Variants in ACKR2 observed in about 807,000 individuals in gnomAD.
The protein encoded by ACKR2 is atypical chemokine receptor 2.
For synonymous variants in ACKR2, 207 were observed against 192.2 expected (o/e 1.08, Z -0.64); for missense variants, 457 against 477.3 (o/e 0.96, Z 0.40).
Position 42,832,806 on chromosome 3 carries a change from ACCTTAGCCT to A in ACKR2, c.-38+13099_-38+13107del, listed in dbSNP as rs565395562. The stretch of plus-strand genomic sequence containing the variant: ...CTTCCTAGGCTCAAGCGATTCTCCC[ACCTTAGCCT>A]CCTGAGTAGCTGGGACTACAGGCAC... On this transcript the variant is annotated intron_variant, in intron 2 of 2. Coordinates refer to ENST00000422265, the MANE Select transcript of ACKR2 (RefSeq NM_001296.5). 1.8e-4 allele frequency among the ~76,000 whole-genome samples: 27 copies of A among 152,030 alleles called. No individual in the cohort carries two copies. In the South Asian group the frequency reaches 5.6e-3, roughly 32 times the overall value.
At chr3:42,863,799 AG>A in intron 2 of ACKR2, among the ~76,000 whole-genome samples, 1 of 152,184 alleles carries the variant, frequency 6.6e-6, no homozygotes, top group East Asian at 1.9e-4. Context: ...CATAAGTGGG[AG>A]TTGAACAATG....
intron 2 of ACKR2, among the ~76,000 whole-genome samples, chr3:42,861,535 A>G (rs1324668626): frequency 6.6e-6 from 1 of 152,226 alleles, no homozygotes; most frequent in Non-Finnish European, 1.5e-5. Context: ...TCATCCTGAT[A>G]CCAAAACCTG....
chr3:42,865,731 A>G lies in ACKR2; in HGVS notation c.*74A>G. ...GGTGTCCACTCAAAGTGCTCTCTCC[A>G]GGGGCCTCAGTGACTGTGTTGCTAA... On this transcript the variant is annotated 3_prime_UTR_variant, in exon 3 of 3. Coordinates refer to ENST00000422265, the MANE Select transcript of ACKR2 (RefSeq NM_001296.5). The G allele has an allele frequency of 8.2e-7, 1 of 1,215,526 alleles. No individual in the cohort carries two copies. Among genetic ancestry groups the G allele is most frequent in the South Asian group, 1.5e-5 (1 of 67,226 alleles). The allele number at this position is 1,215,526 out of a possible 1,614,324, so 75.3% of individuals were successfully genotyped here. A position where few individuals can be genotyped will look rare whatever the true frequency, so the allele number is the denominator to read the frequency against.
chr3:42,856,243 C>T (rs2088318566), intron 2 of ACKR2: 4 of 597,824 alleles, frequency 6.7e-6, no homozygotes, highest in South Asian at 4.1e-5. Context: ...AGGCTGAGCT[C>T]CTGGGGTGGG....
Position 42,864,456 on chromosome 3 carries a change from C to T in ACKR2, c.-37-10C>T, listed in dbSNP as rs772515695. 1.3e-6 allele frequency: 2 copies of T among 1,537,256 alleles called. No homozygotes were observed. The highest frequency in any genetic ancestry group is 1.7e-6 in the Non-Finnish European group (2 of 1,145,246). On this transcript the variant is annotated splice_polypyrimidine_tract_variant and intron_variant, in intron 2 of 2. Coordinates refer to ENST00000422265, the MANE Select transcript of ACKR2 (RefSeq NM_001296.5). ...AGAATGCTAGGTCTCACCATATTTT[C>T]CCCCCGCAGCACTACAGGACGTCGG...
At chr3:42,845,640 AC>A (rs1256813043) in intron 2 of ACKR2, among the ~76,000 whole-genome samples, 1 of 152,094 alleles carries the variant, frequency 6.6e-6, no homozygotes, top group Non-Finnish European at 1.5e-5. Flanking sequence ...ATTTTAAAAA[AC>A]GTAATAGTGC....
Position 42,864,894 on chromosome 3 carries a change from G to A in ACKR2, c.392G>A (p.Gly131Asp), listed in dbSNP as rs138081289. 34 of 1,613,994 alleles carry A rather than the reference G, an allele frequency of 2.1e-5. No individual in the cohort carries two copies. The African/African-American group carries it at 4.1e-4, about 20-fold the overall frequency. The change falls in exon 3 of 3, where the codon GGC (glycine) becomes GAC (aspartate). Residue 131 changes from glycine (G) to aspartate (D), a missense_variant. Gly to Asp is a moderately conservative substitution (Grantham distance 94). Coordinates refer to ENST00000422265, the MANE Select transcript of ACKR2 (RefSeq NM_001296.5). The stretch of plus-strand genomic sequence containing the variant: ...CTTTATACTATTAACTTTTACAGTG[G>A]CATCTTTTTCATTAGCTGCATGAGC... ...STLYTINFYSGIFFISCMSLD... is the reference protein window; with the variant it reads ...STLYTINFYSDIFFISCMSLD...
chr3:42,851,461 T>C, intron 2 of ACKR2: 3 of 984,742 alleles, frequency 3.0e-6, no homozygotes, highest in Non-Finnish European at 3.6e-6. Context: ...TCCGGTAGGT[T>C]ATAGCCATAC....
chr3:42,856,730 C>T (rs372167116), intron 2 of ACKR2, among the ~76,000 whole-genome samples: 16 of 151,692 alleles, frequency 1.1e-4, no homozygotes, highest in African/African-American at 2.9e-4. Flanking sequence ...GTTTGTGGCC[C>T]GTGACCATCA....
At chr3:42,840,030 G>A (rs1307081531) in intron 2 of ACKR2, among the ~76,000 whole-genome samples, 1 of 151,962 alleles carries the variant, frequency 6.6e-6, no homozygotes, top group African/African-American at 2.4e-5. Context: ...AAGCCGAGGC[G>A]GGTGGATCAC....
chr3:42,847,746 G>A (rs1188839085), intron 2 of ACKR2, among the ~76,000 whole-genome samples: 4 of 151,078 alleles, frequency 2.6e-5, no homozygotes, highest in African/African-American at 9.7e-5. Flanking sequence ...ATGCCTGATG[G>A]AGAGCAGGGG....
At position 42,819,723 on chromosome 3, in the gene ACKR2, A is replaced by C. The variant is rs1165101869; in HGVS notation, c.-38+12A>C. ...TCTGCAAAGTTGAGGTAAGCAGCTG[A>C]GTTCAATGATGCTGGCTGCATTTTC... On this transcript the variant is annotated intron_variant, in intron 2 of 2. Coordinates refer to ENST00000422265, the MANE Select transcript of ACKR2 (RefSeq NM_001296.5). 1 of 152,324 alleles carries C rather than the reference A, an allele frequency of 6.6e-6. No homozygotes were observed. Among genetic ancestry groups the C allele is most frequent in the Non-Finnish European group, 1.5e-5 (1 of 68,100 alleles). The allele number at this position is 152,324 out of a possible 1,614,324, so 9.4% of individuals were successfully genotyped here. A position where few individuals can be genotyped will look rare whatever the true frequency, so the allele number is the denominator to read the frequency against.
intron 2 of ACKR2, among the ~76,000 whole-genome samples, chr3:42,828,092 A>ATATATATTTTTTTTTTT (rs1193533555): frequency 3.8e-4 from 46 of 121,882 alleles, no homozygotes; most frequent in African/African-American, 1.4e-3. Flanking sequence ...ATATATATAT[A>ATATATATTTTTTTTTTT]TTTTTTTTTT....
intron 2 of ACKR2, among the ~76,000 whole-genome samples, chr3:42,825,940 T>A (rs1423984585): frequency 6.7e-6 from 1 of 149,542 alleles, no homozygotes; most frequent in African/African-American, 2.4e-5. Context: ...TTTTTTTCAA[T>A]CAGGAAAGGT....
chr3:42,856,387 A>T, intron 2 of ACKR2: 1 of 703,040 alleles, frequency 1.4e-6, no homozygotes, highest in South Asian at 1.5e-5. Flanking sequence ...GCAGCACTGA[A>T]TAGTTCCATC....
In ACKR2 at chr3:42,864,866, A is replaced by G. The variant is rs752969593; in HGVS notation, c.364A>G (p.Thr122Ala). ...GAGTTTCTTGTGCAAGATGGTGAGC[A>G]CTCTTTATACTATTAACTTTTACAG... ...FGSFLCKMVSTLYTINFYSGI... is the reference protein window; with the variant it reads ...FGSFLCKMVSALYTINFYSGI... Residue 122 changes from threonine (T) to alanine (A), a missense_variant, in exon 3 of 3, where the codon ACT becomes GCT. Coordinates refer to ENST00000422265, the MANE Select transcript of ACKR2 (RefSeq NM_001296.5). The G allele has an allele frequency of 2.5e-6, 4 of 1,613,766 alleles. No homozygotes were observed. The highest frequency in any genetic ancestry group is 2.2e-5 in the East Asian group (1 of 44,852).
chr3:42,843,034 CTATT>C (rs35357659), intron 2 of ACKR2, among the ~76,000 whole-genome samples: 15,180 of 139,234 alleles, frequency 0.11, 957 homozygotes, highest in African/African-American at 0.16. Context: ...TCATGTCTAG[CTATT>C]TATTTATTTA....
intron 1 of ACKR2, among the ~76,000 whole-genome samples, chr3:42,818,716 C>T (rs1362641968): frequency 6.6e-6 from 1 of 152,156 alleles, no homozygotes; most frequent in Non-Finnish European, 1.5e-5. Flanking sequence ...CAAGTGCCAC[C>T]ACACCCAGCT....
rs2088414164 is a variant in ACKR2, at chr3:42,864,536, A to G, written c.34A>G (p.Thr12Ala). The G allele has an allele frequency of 6.2e-7, 1 of 1,611,482 alleles. No homozygotes were observed. Among genetic ancestry groups the G allele is most frequent in the African/African-American group, 1.3e-5 (1 of 75,012 alleles). Residue 12 changes from threonine (T) to alanine (A), a missense_variant, in exon 3 of 3, where the codon ACT (threonine) becomes GCT (alanine). Physicochemically the swap from Thr to Ala is moderately conservative, Grantham distance 58. Coordinates refer to ENST00000422265, the MANE Select transcript of ACKR2 (RefSeq NM_001296.5). The part of the protein sequence containing the change: ...AATASPQPLA[T>A]EDADSENSSF... Reference sequence around the variant, plus strand: ...CACTGCCTCTCCGCAGCCACTCGCCACTGAGGATGCCGATTCTGAGAATAG... The same window carrying G: ...CACTGCCTCTCCGCAGCCACTCGCCGCTGAGGATGCCGATTCTGAGAATAG...
Sources: gnomAD v4.1 joint callset for allele counts (sites outside exome capture counted in the v4.1 genomes callset) on GRCh38, gnomAD v4.1.1 for gene constraint, MANE v1.5 for transcripts, NCBI Gene and HGNC (gene_info 2026-07-23, HGNC 2026-07-21) for gene names.